MAPK10: variants seen among roughly 807,000 people sequenced by gnomAD.
The protein encoded by MAPK10 is mitogen-activated protein kinase 10, also known as JNK3 alpha protein kinase.
Under a neutral mutation model 59.3 loss-of-function variants are expected in MAPK10, and 25 were observed. That is an observed-to-expected ratio of 0.42 (90% CI 0.31 to 0.59). The LOEUF is 0.59. Ranked by LOEUF, MAPK10 falls within the 20% of genes least tolerant of loss-of-function variation. The pLI, the probability that MAPK10 is intolerant of heterozygous loss-of-function variation, is 0.15. For missense variants in MAPK10, 351 were observed against 568.9 expected (o/e 0.62, Z 3.90); for synonymous variants, 190 against 200.5 (o/e 0.95, Z 0.44).
intron 4 of MAPK10, among the ~76,000 whole-genome samples, chr4:86,111,855 C>T (rs2057535001): frequency 6.6e-6 from 1 of 151,882 alleles, no homozygotes; most frequent in African/African-American, 2.4e-5. Context: ...TCCATCTTGG[C>T]TTTTTTTGGT....
At position 86,571,636 on chromosome 4, in the gene MAPK10, T is replaced by C. The variant is rs550099538; in HGVS notation, c.-263+22274A>G. 1.9e-4 allele frequency among the ~76,000 whole-genome samples: 29 copies of C among 152,214 alleles called. 1 individual carries two copies. In the South Asian group the frequency reaches 5.8e-3, roughly 30 times the overall value. On this transcript the variant is annotated intron_variant, in intron 1 of 4. Coordinates refer to the MAPK10 transcript ENST00000502302. Reference sequence around the variant, plus strand: ...GTCAAGAAGCAAACTAATTCATTCCTGAAAAGGAATGAATGGAGCTTTCCT... The same window carrying C: ...GTCAAGAAGCAAACTAATTCATTCCCGAAAAGGAATGAATGGAGCTTTCCT...
intron 3 of MAPK10, among the ~76,000 whole-genome samples, chr4:86,189,237 G>A (rs761544211): frequency 1.8e-4 from 28 of 152,012 alleles, no homozygotes; most frequent in Admixed American, 2.0e-4. Flanking sequence ...GCTCTTTTTT[G>A]GTTCCATATG....
chr4:86,340,750 A>G lies in MAPK10; in HGVS notation c.-7+13780T>C, dbSNP rs571926259. ...TACCAGATAGAGGATAACAATTTTCAAAAAGGAAACTCCCTTCTGCTATGT... is the reference window on the plus strand; with the variant it reads ...TACCAGATAGAGGATAACAATTTTCGAAAAGGAAACTCCCTTCTGCTATGT... On this transcript the variant is annotated intron_variant, in intron 2 of 13. Transcript: ENST00000641462. Among the ~76,000 whole-genome samples the G allele has an allele frequency of 3.9e-5, 6 of 152,282 alleles. No homozygotes were observed. The South Asian group carries it at 6.2e-4, about 16-fold the overall frequency.
intron 1 of MAPK10, among the ~76,000 whole-genome samples, chr4:86,442,750 C>T (rs1749561228): frequency 6.6e-6 from 1 of 152,100 alleles, no homozygotes; most frequent in Admixed American, 6.5e-5. Context: ...ATTCCTTTAC[C>T]TGTGTTACCG....
chr4:86,218,582 A>AAC (rs916657973), intron 2 of MAPK10, among the ~76,000 whole-genome samples: 1 of 151,974 alleles, frequency 6.6e-6, no homozygotes, highest in Non-Finnish European at 1.5e-5. Context: ...AAAAAAAAAA[A>AAC]AAAAACACTT....
chr4:86,076,508 G>C (rs2049507297), intron 9 of MAPK10, among the ~76,000 whole-genome samples: 1 of 152,106 alleles, frequency 6.6e-6, no homozygotes, highest in Non-Finnish European at 1.5e-5. Context: ...CTTGTTTCAA[G>C]TATTCCAGTA....
At chr4:86,067,628 C>G (rs1245744177) in intron 10 of MAPK10, 145 bp downstream of exon 10, 17 of 658,206 alleles carry the variant, frequency 2.6e-5, no homozygotes, top group Non-Finnish European at 2.5e-6. Context: ...AAAATACCAC[C>G]CTATATCCCA....
intron 3 of MAPK10, among the ~76,000 whole-genome samples, chr4:86,166,759 T>C (rs116462207): frequency 0.03 from 4,515 of 152,256 alleles, 90 homozygotes; most frequent in South Asian, 0.041. Flanking sequence ...TATACAGAAA[T>C]GCCAGCTGTC....
At chr4:86,477,003 T>C (rs1753145722) in intron 1 of MAPK10, among the ~76,000 whole-genome samples, 1 of 152,178 alleles carries the variant, frequency 6.6e-6, no homozygotes, top group East Asian at 1.9e-4. Context: ...CCCCTGGAAC[T>C]CTGACCCAAG....
intron 1 of MAPK10, among the ~76,000 whole-genome samples, chr4:86,517,991 CCT>C (rs1756824318): frequency 6.6e-6 from 1 of 152,010 alleles, no homozygotes; most frequent in African/African-American, 2.4e-5. Context: ...CCTATTTCTT[CCT>C]GTTTTTTGTT....
intron 1 of MAPK10, among the ~76,000 whole-genome samples, chr4:86,451,433 GGCC>G: frequency 6.6e-6 from 1 of 152,158 alleles, no homozygotes; most frequent in South Asian, 2.1e-4. Flanking sequence ...GAAGAATAAC[GGCC>G]AATATTTATA....
chr4:86,269,641 T>A (rs749609459), intron 2 of MAPK10, among the ~76,000 whole-genome samples: 1 of 152,122 alleles, frequency 6.6e-6, no homozygotes, highest in Non-Finnish European at 1.5e-5. Flanking sequence ...TACTCCCACT[T>A]GGAGAGCATT....
intron 3 of MAPK10, among the ~76,000 whole-genome samples, chr4:86,168,660 T>G: frequency 6.6e-6 from 1 of 152,140 alleles, no homozygotes; most frequent in East Asian, 1.9e-4. Flanking sequence ...AAGACAGCAG[T>G]AACCTCTGCA....
In MAPK10 at chr4:86,151,345, C is replaced by T. The variant is rs149623999; in HGVS notation, c.236+7953G>A. Among the ~76,000 whole-genome samples the T allele has an allele frequency of 1.9e-3, 291 of 152,232 alleles. 1 individual carries two copies. The highest frequency in any genetic ancestry group is 6.7e-3 in the African/African-American group (280 of 41,514). On this transcript the variant is annotated intron_variant, in intron 4 of 13. Transcript: ENST00000641462. Reference sequence around the variant, plus strand: ...AAAGTTGTAAAAGGATTGTAACAGCCGCCTTGGGAAATGGCTAGGGAGCTG... The same window carrying T: ...AAAGTTGTAAAAGGATTGTAACAGCTGCCTTGGGAAATGGCTAGGGAGCTG...
chr4:86,312,322 C>A (rs1196367364), intron 2 of MAPK10, among the ~76,000 whole-genome samples: 1 of 152,034 alleles, frequency 6.6e-6, no homozygotes, highest in Non-Finnish European at 1.5e-5. Context: ...ACAGTACATG[C>A]TTTCTTGGAC....
At chr4:86,271,098 G>C (rs2148770532) in intron 2 of MAPK10, among the ~76,000 whole-genome samples, 1 of 152,124 alleles carries the variant, frequency 6.6e-6, no homozygotes, top group East Asian at 1.9e-4. Flanking sequence ...CTACCAAACT[G>C]CTTTTCCAAG....
intron 4 of MAPK10, among the ~76,000 whole-genome samples, chr4:86,140,060 T>G (rs576397082): frequency 2.2e-4 from 26 of 118,628 alleles, no homozygotes; most frequent in African/African-American, 9.2e-4. Context: ...TGTGGAGAAA[T>G]AGGAACACTT....
chr4:86,536,917 G>C (rs1565002710), intron 1 of MAPK10, among the ~76,000 whole-genome samples: 1 of 152,140 alleles, frequency 6.6e-6, no homozygotes, highest in South Asian at 2.1e-4. Context: ...AGTAGGATAG[G>C]ATAGGCATTT....
At chr4:86,163,853 C>T (rs2070711513) in intron 3 of MAPK10, among the ~76,000 whole-genome samples, 1 of 152,122 alleles carries the variant, frequency 6.6e-6, no homozygotes, top group Admixed American at 6.6e-5. Context: ...ATAAAAGACT[C>T]TCCTTGGTAT....
Sources: gnomAD v4.1 joint callset for allele counts (sites outside exome capture counted in the v4.1 genomes callset) on GRCh38, gnomAD v4.1.1 for gene constraint, MANE v1.5 for transcripts, NCBI Gene and HGNC (gene_info 2026-07-23, HGNC 2026-07-21) for gene names.